HEMK2: variants seen among roughly 807,000 people sequenced by gnomAD.
HEMK2 encodes the protein HemK methyltransferase 2, ETF1 glutamine and histone H4 lysine, also known as methyltransferase HEMK2.
At chr21:28,829,861 G>A in the HEMK2 span, among the ~76,000 whole-genome samples, 1 of 152,112 alleles carries the variant, frequency 6.6e-6, no homozygotes, top group Non-Finnish European at 1.5e-5. Flanking sequence ...TATAATGAAC[G>A]TGTTTCATTT....
chr21:28,582,213 A>T, the HEMK2 span, among the ~76,000 whole-genome samples: 6 of 152,346 alleles, frequency 3.9e-5, no homozygotes, highest in South Asian at 1.2e-3. Flanking sequence ...TTTAAACTGA[A>T]GCTGACACTT....
At chr21:28,578,918 T>C in the HEMK2 span, among the ~76,000 whole-genome samples, 1 of 152,158 alleles carries the variant, frequency 6.6e-6, no homozygotes, top group African/African-American at 2.4e-5. Flanking sequence ...AAAAACAGAT[T>C]TACCTCTCCC....
the HEMK2 span, among the ~76,000 whole-genome samples, chr21:28,847,520 A>G: frequency 6.6e-6 from 1 of 152,148 alleles, no homozygotes; most frequent in Non-Finnish European, 1.5e-5. Context: ...TGGATATTAG[A>G]TATTTTTCAG....
the HEMK2 span, among the ~76,000 whole-genome samples, chr21:28,667,388 T>C: frequency 0.016 from 2,459 of 152,246 alleles, 69 homozygotes; most frequent in African/African-American, 0.055. Context: ...GAAAAAAGTA[T>C]TCTAAACCAA....
chr21:28,673,843 T>C, the HEMK2 span, among the ~76,000 whole-genome samples: 2,274 of 150,084 alleles, frequency 0.015, 17 homozygotes, highest in Non-Finnish European at 0.022. Flanking sequence ...TAATCAACAA[T>C]GTCCTTCAAG....
chr21:28,838,978 TATATATATATATATATATATATAC>T, the HEMK2 span, among the ~76,000 whole-genome samples: 86 of 36,702 alleles, frequency 2.3e-3, 2 homozygotes, highest in African/African-American at 0.012. Flanking sequence ...AAAAAATATA[TATATATATATATATATATATATAC>T]ATATATATAC....
chr21:28,597,756 T>G, the HEMK2 span, among the ~76,000 whole-genome samples: 378 of 152,238 alleles, frequency 2.5e-3, 1 homozygote, highest in African/African-American at 8.8e-3. Context: ...GAAACAGTCA[T>G]AAGAGATGAA....
the HEMK2 span, among the ~76,000 whole-genome samples, chr21:28,605,251 A>T: frequency 3.3e-5 from 5 of 152,240 alleles, no homozygotes; most frequent in African/African-American, 4.8e-5. Flanking sequence ...ACTGAGCTCA[A>T]CTGCACACAG....
the HEMK2 span, among the ~76,000 whole-genome samples, chr21:28,637,309 C>T: frequency 6.6e-6 from 1 of 152,144 alleles, no homozygotes; most frequent in Non-Finnish European, 1.5e-5. Context: ...TTCTTTCCAA[C>T]CTTCATTCCT....
chr21:28,846,364 A>G, the HEMK2 span, among the ~76,000 whole-genome samples: 2 of 152,134 alleles, frequency 1.3e-5, no homozygotes, highest in Non-Finnish European at 2.9e-5. Flanking sequence ...ATTCTTTGAG[A>G]AATCTCCACA....
the HEMK2 span, among the ~76,000 whole-genome samples, chr21:28,615,683 T>G: frequency 2.0e-4 from 30 of 152,310 alleles, 1 homozygote; most frequent in South Asian, 3.5e-3. Context: ...GTTTAAATCT[T>G]GTACTGGAAA....
chr21:28,627,230 G>A, the HEMK2 span, among the ~76,000 whole-genome samples: 389 of 152,284 alleles, frequency 2.6e-3, 3 homozygotes, highest in Middle Eastern at 6.8e-3. Context: ...GCACTGCAAA[G>A]AGGCATGAGA....
the HEMK2 span, chr21:28,885,286 G>A: frequency 1.3e-6 from 2 of 1,592,508 alleles, no homozygotes; most frequent in African/African-American, 1.3e-5. Flanking sequence ...CGTACACGTC[G>A]CTGAAGGCGC....
chr21:28,778,351 A>C, the HEMK2 span, among the ~76,000 whole-genome samples: 1 of 152,194 alleles, frequency 6.6e-6, no homozygotes, highest in Non-Finnish European at 1.5e-5. Flanking sequence ...TCATGGTTTA[A>C]CTATTCGTTT....
chr21:28,877,417 GGAAA>G, the HEMK2 span, among the ~76,000 whole-genome samples: 2 of 144,150 alleles, frequency 1.4e-5, no homozygotes, highest in Admixed American at 1.4e-4. Context: ...AAAGAAGGAA[GGAAA>G]GAAAGAGAGA....
At chr21:28,749,530 C>T in the HEMK2 span, among the ~76,000 whole-genome samples, 1 of 149,924 alleles carries the variant, frequency 6.7e-6, no homozygotes, top group African/African-American at 2.5e-5. Flanking sequence ...AGCCAAAATT[C>T]CATACAAAAT....
At chr21:28,883,235 T>TTAA in the HEMK2 span, among the ~76,000 whole-genome samples, 1 of 152,222 alleles carries the variant, frequency 6.6e-6, no homozygotes, top group South Asian at 2.1e-4. Context: ...TACTTTGTAC[T>TTAA]TAATATTGCA....
the HEMK2 span, among the ~76,000 whole-genome samples, chr21:28,695,618 T>C: frequency 6.6e-6 from 1 of 152,048 alleles, no homozygotes; most frequent in Admixed American, 6.6e-5. Flanking sequence ...ATGATTCAAT[T>C]ATCTCCACCT....
At chr21:28,677,412 G>C in the HEMK2 span, among the ~76,000 whole-genome samples, 2 of 152,174 alleles carry the variant, frequency 1.3e-5, no homozygotes, top group African/African-American at 4.8e-5. Context: ...GCTCGAACTG[G>C]GTGGAGCCCA....
Sources: gnomAD v4.1 joint callset for allele counts (sites outside exome capture counted in the v4.1 genomes callset) on GRCh38, gnomAD v4.1.1 for gene constraint, MANE v1.5 for transcripts, NCBI Gene and HGNC (gene_info 2026-07-23, HGNC 2026-07-21) for gene names.